The following SPATA19 variants were observed in gnomAD, a reference collection of about 807,000 sequenced individuals.
SPATA19 encodes spermatogenesis-associated protein 19, mitochondrial.
SPATA19 carries 19 observed loss-of-function variants against 25.0 expected under a neutral mutation model. That is an observed-to-expected ratio of 0.76 (90% confidence interval 0.53 to 1.11). The LOEUF is 1.11. Among genes scored for constraint, SPATA19 ranks in the 50% most tolerant of loss-of-function variants. The pLI, the probability that SPATA19 is intolerant of heterozygous loss-of-function variation, is 0.00. For synonymous variants in SPATA19, 64 were observed against 69.3 expected (o/e 0.92, Z 0.38); for missense variants, 222 against 211.4 (o/e 1.05, Z -0.31).
chr11:133,843,093 G>A (rs1213153051), intron 4 of SPATA19, among the ~76,000 whole-genome samples: 1 of 152,210 alleles, frequency 6.6e-6, no homozygotes, highest in Non-Finnish European at 1.5e-5. Flanking sequence ...GTTGTGGGGG[G>A]AGATAGGCGG....
At chr11:133,841,486 T>C (rs1366348695) in intron 6 of SPATA19, among the ~76,000 whole-genome samples, 2 of 152,182 alleles carry the variant, frequency 1.3e-5, no homozygotes, top group Non-Finnish European at 2.9e-5. Context: ...CGGATAGCTC[T>C]TGTGGTTGTT....
At chr11:133,839,475 G>A (rs1439137123), downstream of SPATA19, among the ~76,000 whole-genome samples, 1 of 144,750 alleles carries the variant, frequency 6.9e-6, no homozygotes, top group South Asian at 2.3e-4. Context: ...GGTGGGAATT[G>A]AACAATGAGA....
chr11:133,844,347 C>G lies in SPATA19; in HGVS notation c.268-10G>C, dbSNP rs765489884. On this transcript the variant is annotated splice_polypyrimidine_tract_variant and intron_variant, in intron 3 of 6. Coordinates refer to ENST00000299140, the MANE Select transcript of SPATA19 (RefSeq NM_174927.3). The stretch of plus-strand genomic sequence containing the variant: ...AGAGGTGGTGCTTCACCTGGGAAAT[C>G]CAGAGGGTCCATGTGATTCCTGCCC... 11 of 1,613,964 alleles carry G rather than the reference C, an allele frequency of 6.8e-6. No individual in the cohort carries two copies. Among genetic ancestry groups the G allele is most frequent in the Non-Finnish European group, 9.3e-6 (11 of 1,179,942 alleles).
At position 133,845,158 on chromosome 11, in the gene SPATA19, A is replaced by G. The variant is rs1047465944; in HGVS notation, c.111T>C (p.Ser37=). The change falls in exon 2 of 7, where the codon TCT becomes TCC. Residue 37 remains serine (S), a synonymous_variant. Coordinates refer to ENST00000299140, the MANE Select transcript of SPATA19 (RefSeq NM_174927.3). Reference sequence around the variant, plus strand: ...CTTTTTTCAACCAATGATGTAGTACAGACACAGCCTCACTTTCCACAACGT... The same window carrying G: ...CTTTTTTCAACCAATGATGTAGTACGGACACAGCCTCACTTTCCACAACGT... ...DIDVVESEAV[S]VLHHWLKKTE... 1 of 1,614,032 alleles carries G rather than the reference A, an allele frequency of 6.2e-7. No individual in the cohort carries two copies.
chr11:133,843,239 A>G (rs574483012), intron 4 of SPATA19, among the ~76,000 whole-genome samples: 1 of 152,308 alleles, frequency 6.6e-6, no homozygotes, highest in Admixed American at 6.5e-5. Flanking sequence ...AAATATTGGA[A>G]GATGATGTGT....
intron 4 of SPATA19, among the ~76,000 whole-genome samples, chr11:133,842,815 G>GC (rs1445958900): frequency 1.3e-4 from 19 of 151,978 alleles, no homozygotes; most frequent in African/African-American, 4.6e-4. Flanking sequence ...AGAGCTGAGT[G>GC]CCCTTACTAA....
chr11:133,840,349 A>G (rs1005356291), downstream of SPATA19, among the ~76,000 whole-genome samples: 2 of 152,236 alleles, frequency 1.3e-5, no homozygotes, highest in African/African-American at 4.8e-5. Flanking sequence ...TCAAATCTAC[A>G]TTAAAAAGGA....
At chr11:133,838,834 G>GA (rs1190186398), downstream of SPATA19, among the ~76,000 whole-genome samples, 6 of 152,096 alleles carry the variant, frequency 3.9e-5, no homozygotes, top group South Asian at 8.3e-4. Flanking sequence ...AAATTTACAA[G>GA]AAAAAAACAA....
At chr11:133,837,441 A>T (rs77151961), downstream of SPATA19, among the ~76,000 whole-genome samples, 5 of 152,164 alleles carry the variant, frequency 3.3e-5, no homozygotes, top group Admixed American at 2.0e-4. Context: ...CATTGGGGGG[A>T]TCCCCACACT....
chr11:133,842,675 T>G (rs1182222517), intron 4 of SPATA19, 113 bp from the exon 5 acceptor site: 3 of 857,278 alleles, frequency 3.5e-6, no homozygotes, highest in Admixed American at 1.9e-5. Flanking sequence ...CCTGACACCA[T>G]GAACTTTTGA....
chr11:133,844,499 T>A lies in SPATA19; in HGVS notation c.267+10A>T. On this transcript the variant is annotated intron_variant, in intron 3 of 6. Coordinates refer to ENST00000299140, the MANE Select transcript of SPATA19 (RefSeq NM_174927.3). ...GCTACTCCCAGGCAAGGTCTCAAAC[T>A]CTCATTTACCACATCTCTGGTCACG... 6.2e-7 allele frequency: 1 copy of A among 1,614,008 alleles called. No individual in the cohort carries two copies. The highest frequency in any genetic ancestry group is 8.5e-7 in the Non-Finnish European group (1 of 1,179,994).
In SPATA19 at chr11:133,844,624, G is replaced by A; in HGVS notation, c.152C>T (p.Ser51Phe). 6.2e-7 allele frequency: 1 copy of A among 1,609,850 alleles called. No homozygotes were observed. The highest frequency in any genetic ancestry group is 8.5e-7 in the Non-Finnish European group (1 of 1,177,968). ...GGACAGCTTTTCCTTTATGCCCCGA[G>A]AAGCCTCTTCTTCTGTCTGAAAGGT... Reference protein sequence around the residue: ...HWLKKTEEEASRGIKEKLSIN... With the variant: ...HWLKKTEEEAFRGIKEKLSIN... The change falls in exon 3 of 7, where the codon TCT becomes TTT. Residue 51 changes from serine to phenylalanine, a missense_variant. By Grantham distance (155) the Ser-to-Phe change is radical (BLOSUM62 -2). Coordinates refer to ENST00000299140, the MANE Select transcript of SPATA19 (RefSeq NM_174927.3).
At chr11:133,841,493 T>C (rs920198332) in intron 6 of SPATA19, among the ~76,000 whole-genome samples, 1 of 152,152 alleles carries the variant, frequency 6.6e-6, no homozygotes, top group African/African-American at 2.4e-5. Flanking sequence ...CTCTTGTGGT[T>C]GTTTATCCTG....
Position 133,844,291 on chromosome 11 carries a change from T to G in SPATA19, c.314A>C (p.Gln105Pro). Reference protein sequence around the residue: ...SKSDLLANQSQEVLEERTRIQ... With the variant: ...SKSDLLANQSPEVLEERTRIQ... The stretch of plus-strand genomic sequence containing the variant: ...TCGTGTTCTCTCCTCTAGGACCTCT[T>G]GGCTCTGGTTTGCCAACAAATCAGA... Residue 105 changes from glutamine to proline, a missense_variant, in exon 4 of 7, where the codon CAA becomes CCA. Transcript: ENST00000299140. The G allele has an allele frequency of 6.2e-7, 1 of 1,614,208 alleles. No individual in the cohort carries two copies. Among genetic ancestry groups the G allele is most frequent in the Non-Finnish European group, 8.5e-7 (1 of 1,180,040 alleles).
chr11:133,844,167 C>T (rs1381408075), intron 4 of SPATA19, 79 bp downstream of exon 4: 3 of 1,159,264 alleles, frequency 2.6e-6, no homozygotes, highest in Admixed American at 3.4e-5. Flanking sequence ...TAGAGAAGAG[C>T]ATCTGAGGGT....
chr11:133,844,963 G>A (rs990438017), intron 2 of SPATA19, among the ~76,000 whole-genome samples, 171 bp downstream of exon 2: 1 of 152,152 alleles, frequency 6.6e-6, no homozygotes, highest in African/African-American at 2.4e-5. Context: ...CAGGACACAA[G>A]CCACAGTGTC....
At chr11:133,841,959 T>C in intron 6 of SPATA19, 71 bp downstream of exon 6, 1 of 1,397,458 alleles carries the variant, frequency 7.2e-7, no homozygotes, top group Non-Finnish European at 1.0e-6. Context: ...AGTTCCCAGC[T>C]GCAGTGCCCC....
intron 3 of SPATA19, 33 bp downstream of exon 3, chr11:133,844,476 T>C (rs748954404): frequency 6.8e-6 from 11 of 1,613,942 alleles, no homozygotes; most frequent in Middle Eastern, 1.6e-4. Flanking sequence ...CCCTCACCGC[T>C]ACTCCCAGGC....
In SPATA19 at chr11:133,845,488, C is replaced by T. The variant is rs1938403101; in HGVS notation, c.-42G>A. 1.9e-6 allele frequency: 3 copies of T among 1,606,722 alleles called. No individual in the cohort carries two copies. The highest frequency in any genetic ancestry group is 1.1e-5 in the South Asian group (1 of 90,716). ...GGCCCCCTTCTTGGCTCCCTCCTTC[C>T]ATTGAAGCTGCCTGAGAACTCCTAT... On this transcript the variant is annotated 5_prime_UTR_variant, in exon 1 of 7. An upstream start codon of the reference 5' UTR is lost. Coordinates refer to ENST00000299140, the MANE Select transcript of SPATA19 (RefSeq NM_174927.3).
Sources: allele counts gnomAD v4.1 joint callset (sites outside exome capture counted in the v4.1 genomes callset), GRCh38; gene constraint gnomAD v4.1.1; transcripts MANE v1.5; gene names NCBI Gene and HGNC (gene_info 2026-07-23, HGNC 2026-07-21).